Variants in ZZZ3 observed in about 807,000 individuals in gnomAD.
ZZZ3 encodes the protein ZZ-type zinc finger-containing protein 3.
A neutral mutation model predicts 95.2 loss-of-function variants in ZZZ3; 22 were observed. The observed-to-expected ratio is 0.23, with a 90% CI of 0.17 to 0.33. ZZZ3 has a LOEUF of 0.33. ZZZ3 is among the 10% of genes least tolerant of loss of function. The pLI is 1.00. For synonymous variants in ZZZ3, 335 were observed against 358.9 expected (o/e 0.93, Z 0.75); for missense variants, 885 against 1,066.5 (o/e 0.83, Z 2.37).
At chr1:77,567,134 A>C (rs1463464296) in intron 13 of ZZZ3, among the ~76,000 whole-genome samples, 1 of 152,222 alleles carries the variant, frequency 6.6e-6, no homozygotes, top group African/African-American at 2.4e-5. Flanking sequence ...AGCACACATC[A>C]GTACTTTCAT....
intron 5 of ZZZ3, among the ~76,000 whole-genome samples, chr1:77,604,160 A>T (rs564133886): frequency 1.3e-4 from 20 of 152,324 alleles, no homozygotes; most frequent in African/African-American, 4.8e-4. Context: ...CCTAGGCTAG[A>T]GATATTGTAG....
chr1:77,588,874 TA>T (rs1433111863), intron 5 of ZZZ3, among the ~76,000 whole-genome samples: 1 of 152,182 alleles, frequency 6.6e-6, no homozygotes, highest in Non-Finnish European at 1.5e-5. Context: ...GTCAAAGAAT[TA>T]GGGTTTTCTT....
chr1:77,632,344 G>A lies in ZZZ3; in HGVS notation c.1011C>T (p.Asn337=), dbSNP rs768835952. 1.2e-5 allele frequency: 20 copies of A among 1,614,046 alleles called. No individual in the cohort carries two copies. Among genetic ancestry groups the A allele is most frequent in the Middle Eastern group, 1.6e-4 (1 of 6,082 alleles). ...TACTCTCAAGACTTGTGTCCAGTTCGTTATTGGTGTTTTCTTTACACTGCT... is the reference window on the plus strand; with the variant it reads ...TACTCTCAAGACTTGTGTCCAGTTCATTATTGGTGTTTTCTTTACACTGCT... ...SKEQCKENTN[N]ELDTSLESMP... Residue 337 remains asparagine (N), a synonymous_variant, in exon 5 of 15, where the codon AAC becomes AAT. Transcript: ENST00000370801.
At chr1:77,671,458 C>T (rs1287860052) in intron 1 of ZZZ3, among the ~76,000 whole-genome samples, 2 of 152,126 alleles carry the variant, frequency 1.3e-5, no homozygotes, top group East Asian at 3.9e-4. Context: ...TACATGCACA[C>T]AAACAGTACT....
At chr1:77,584,087 G>A (rs752849389) in intron 6 of ZZZ3, among the ~76,000 whole-genome samples, 29 of 152,122 alleles carry the variant, frequency 1.9e-4, no homozygotes, top group Non-Finnish European at 3.8e-4. Context: ...GATCACCATT[G>A]TTTTCTCTCT....
intron 5 of ZZZ3, among the ~76,000 whole-genome samples, chr1:77,622,847 TA>T (rs916472588): frequency 1.2e-3 from 180 of 152,084 alleles, no homozygotes; most frequent in African/African-American, 4.1e-3. Context: ...TCAACTTCTT[TA>T]AAAAAAAGAA....
chr1:77,643,265 C>G lies in ZZZ3; in HGVS notation c.-402-1610G>C, dbSNP rs546850377. ...CAAAAAAGCAAGGAAATTAAACTAG[C>G]CAAAACTCTTGTAGCCCCTGTATTG... is the stretch of plus-strand genomic sequence containing the variant. On this transcript the variant is annotated intron_variant, in intron 1 of 14. Coordinates refer to ENST00000370801, the MANE Select transcript of ZZZ3 (RefSeq NM_015534.6). Among the ~76,000 whole-genome samples the G allele has an allele frequency of 5.9e-5, 9 of 152,228 alleles. No individual in the cohort carries two copies. The South Asian group carries it at 1.9e-3, about 32-fold the overall frequency.
intron 1 of ZZZ3, among the ~76,000 whole-genome samples, chr1:77,675,448 A>G (rs1423266960): frequency 6.6e-6 from 1 of 152,178 alleles, no homozygotes; most frequent in Non-Finnish European, 1.5e-5. Flanking sequence ...CTCATCTCTC[A>G]TGTGGCAGCC....
rs577999214 is a variant in ZZZ3, at chr1:77,662,499, G to A, written c.-403+20086C>T. 2.0e-5 allele frequency among the ~76,000 whole-genome samples: 3 copies of A among 152,294 alleles called. No individual in the cohort carries two copies. The East Asian group carries it at 5.8e-4, about 29-fold the overall frequency. ...AACTTAAGATATCACAAATATGGAA[G>A]GGTGGGAAATTTGAACATACCCTGT... is the stretch of plus-strand genomic sequence containing the variant. On this transcript the variant is annotated intron_variant, in intron 1 of 14. Coordinates refer to ENST00000370801, the MANE Select transcript of ZZZ3 (RefSeq NM_015534.6).
intron 3 of ZZZ3, among the ~76,000 whole-genome samples, chr1:77,640,801 T>C (rs781530078): frequency 3.9e-5 from 6 of 152,076 alleles, no homozygotes; most frequent in Admixed American, 6.5e-5. Flanking sequence ...ACTGATATAA[T>C]TACAAAATCT....
rs560197784 is a variant in ZZZ3, at chr1:77,578,887, G to A, written c.2083-18C>T. ...CTGGCAACCTAAGGAAACATGACAAGTCTCTTAACACAATGAGATGACATA... is the reference window on the plus strand; with the variant it reads ...CTGGCAACCTAAGGAAACATGACAAATCTCTTAACACAATGAGATGACATA... On this transcript the variant is annotated intron_variant, in intron 10 of 14. Transcript: ENST00000370801. 6.7e-7 allele frequency: 1 copy of A among 1,502,408 alleles called. No individual in the cohort carries two copies. The highest frequency in any genetic ancestry group is 2.4e-5 in the East Asian group (1 of 40,872). The allele number at this position is 1,502,408 out of a possible 1,614,324, so 93.1% of individuals were successfully genotyped here. A position where few individuals can be genotyped will look rare whatever the true frequency, so the allele number is the denominator to read the frequency against.
chr1:77,623,801 T>A (rs1667093548), intron 5 of ZZZ3, among the ~76,000 whole-genome samples: 1 of 152,058 alleles, frequency 6.6e-6, no homozygotes. Context: ...ATTATTAGTC[T>A]CCTCTGGCCA....
At chr1:77,676,352 G>A (rs1672268532) in intron 1 of ZZZ3, among the ~76,000 whole-genome samples, 1 of 152,182 alleles carries the variant, frequency 6.6e-6, no homozygotes, top group Non-Finnish European at 1.5e-5. Flanking sequence ...ATTTTTTGTA[G>A]AGACGAGGTC....
At chr1:77,590,630 C>CTTGGGCTAGATCCCCCCAGGGGG (rs1663590380) in intron 5 of ZZZ3, among the ~76,000 whole-genome samples, 1 of 152,222 alleles carries the variant, frequency 6.6e-6, no homozygotes, top group Non-Finnish European at 1.5e-5. Context: ...AATGCATAAT[C>CTTGGGCTAGATCCCCCCAGGGGG]TTGGGCTAGA....
chr1:77,586,157 G>C (rs1383725022), intron 5 of ZZZ3, among the ~76,000 whole-genome samples: 1 of 152,156 alleles, frequency 6.6e-6, no homozygotes, highest in African/African-American at 2.4e-5. Flanking sequence ...TTTCTACTAA[G>C]CAGGCTCACA....
At chr1:77,641,686 T>C (rs1486835995) in intron 1 of ZZZ3, 31 bp from the exon 2 acceptor site, 6 of 396,858 alleles carry the variant, frequency 1.5e-5, no homozygotes, top group South Asian at 2.6e-4. Flanking sequence ...ATAGTCACTA[T>C]AGATGTGTTA....
rs950070233 is a variant in ZZZ3 at position 77,563,878 on chromosome 1, A to C, written c.*1762T>G. The stretch of plus-strand genomic sequence containing the variant: ...CTATATCATCAGTGATCTTTAATCA[A>C]TATATTACTTTAAAATTCTCATATT... On this transcript the variant is annotated 3_prime_UTR_variant, in exon 15 of 15. Transcript: ENST00000370801. The C allele has an allele frequency of 9.9e-5, 15 of 152,100 alleles. No homozygotes were observed. Among genetic ancestry groups the C allele is most frequent in the African/African-American group, 3.4e-4 (14 of 41,436 alleles). 9.4% of individuals were successfully genotyped at this position (152,100 alleles called of 1,614,324 possible).
At chr1:77,649,737 C>T (rs1669627322) in intron 1 of ZZZ3, among the ~76,000 whole-genome samples, 1 of 151,872 alleles carries the variant, frequency 6.6e-6, no homozygotes, top group Admixed American at 6.6e-5. Flanking sequence ...ACAAAATTAG[C>T]CGGGTATGGT....
intron 1 of ZZZ3, among the ~76,000 whole-genome samples, chr1:77,655,933 A>C (rs1449151275): frequency 6.6e-6 from 1 of 152,224 alleles, no homozygotes; most frequent in African/African-American, 2.4e-5. Context: ...AGCAAGACTG[A>C]TTCATTTCAA....
Sources: gnomAD v4.1 joint callset for allele counts (sites outside exome capture counted in the v4.1 genomes callset) on GRCh38, gnomAD v4.1.1 for gene constraint, MANE v1.5 for transcripts, NCBI Gene and HGNC (gene_info 2026-07-23, HGNC 2026-07-21) for gene names.